The following ANKRD12 variants were observed in gnomAD, a reference collection of about 807,000 sequenced individuals.
The protein encoded by ANKRD12 is ankyrin repeat domain-containing protein 12.
A neutral mutation model predicts 183.4 loss-of-function variants in ANKRD12; 85 were observed. The ratio of observed to expected loss-of-function variants is 0.46; its 90% confidence interval spans 0.39 to 0.56. The LOEUF (loss-of-function observed/expected upper bound fraction) is 0.56, where lower values mean the gene tolerates loss of function less well. Among genes scored for constraint, ANKRD12 ranks in the 20% least tolerant of loss-of-function variants. The probability of loss-of-function intolerance (pLI) is 0.00; values close to 1 mark genes in which losing one functional copy is unlikely to be tolerated. For synonymous variants in ANKRD12, 914 were observed against 800.2 expected (o/e 1.14, Z -2.40); for missense variants, 2,405 against 2,357.1 (o/e 1.02, Z -0.42).
rs778957893 is a variant in ANKRD12, at chr18:9,254,198, T to C, written c.944-13T>C. 1 of 1,490,180 alleles carries C rather than the reference T, an allele frequency of 6.7e-7. No individual in the cohort carries two copies. The highest frequency in any genetic ancestry group is 2.5e-5 in the Admixed American group (1 of 40,116). 92.3% of individuals were successfully genotyped at this position (1,490,180 alleles called of 1,614,324 possible). A position where few individuals can be genotyped will look rare whatever the true frequency, so the allele number is the denominator to read the frequency against. On this transcript the variant is annotated splice_polypyrimidine_tract_variant and intron_variant, in intron 8 of 12. Coordinates refer to ENST00000262126, the MANE Select transcript of ANKRD12 (RefSeq NM_015208.5). Reference sequence around the variant, plus strand: ...TGTTTGACCCACACCACATTTTCTTTTTTTTATTCTAGATTCCGAAGAGGC... The same window carrying C: ...TGTTTGACCCACACCACATTTTCTTCTTTTTATTCTAGATTCCGAAGAGGC...
At chr18:9,177,865 A>C (rs577911391) in intron 1 of ANKRD12, among the ~76,000 whole-genome samples, 2 of 152,302 alleles carry the variant, frequency 1.3e-5, no homozygotes, top group East Asian at 1.9e-4. Flanking sequence ...GAGGTTGCGC[A>C]TCTTTTCCTG....
At chr18:9,200,444 T>C (rs1332653628) in intron 3 of ANKRD12, 1 of 152,210 alleles carries the variant, frequency 6.6e-6, no homozygotes, top group Non-Finnish European at 1.5e-5. Flanking sequence ...CTAAAAGATA[T>C]TTCTTACACC....
In ANKRD12 at chr18:9,178,036, G is replaced by C. The variant is rs1162141328; in HGVS notation, c.-51-4346G>C. On this transcript the variant is annotated intron_variant, in intron 1 of 12. Coordinates refer to ENST00000262126, the MANE Select transcript of ANKRD12 (RefSeq NM_015208.5). Reference sequence around the variant, plus strand: ...AATCTGGATAGAAGTCCTTTATAAAGATGTGATTTGCAAGTATTTTCTGCC... The same window carrying C: ...AATCTGGATAGAAGTCCTTTATAAACATGTGATTTGCAAGTATTTTCTGCC... 2.0e-5 allele frequency among the ~76,000 whole-genome samples: 3 copies of C among 152,190 alleles called. No individual in the cohort carries two copies. The East Asian group carries it at 5.8e-4, about 29-fold the overall frequency.
At chr18:9,264,951 T>C (rs1393244663) in intron 10 of ANKRD12, among the ~76,000 whole-genome samples, 1 of 152,230 alleles carries the variant, frequency 6.6e-6, no homozygotes, top group Non-Finnish European at 1.5e-5. Context: ...CATTTCCCAC[T>C]GAGCAAACGG....
At chr18:9,271,938 A>G (rs1051418131) in intron 10 of ANKRD12, among the ~76,000 whole-genome samples, 2 of 152,170 alleles carry the variant, frequency 1.3e-5, no homozygotes, top group African/African-American at 4.8e-5. Flanking sequence ...ATTAAGAGCA[A>G]CGCTGTTCAA....
intron 8 of ANKRD12, among the ~76,000 whole-genome samples, chr18:9,236,175 G>T (rs566946584): frequency 2.6e-5 from 4 of 151,914 alleles, no homozygotes; most frequent in Non-Finnish European, 4.4e-5. Context: ...ATATAACAAT[G>T]GTAAAGGATT....
chr18:9,221,060 G>T (rs761235533), intron 7 of ANKRD12, among the ~76,000 whole-genome samples: 1 of 152,128 alleles, frequency 6.6e-6, no homozygotes, highest in Non-Finnish European at 1.5e-5. Context: ...TGTTTTGTCC[G>T]TGTTTCATTT....
intron 1 of ANKRD12, among the ~76,000 whole-genome samples, chr18:9,155,858 T>C (rs1342156691): frequency 6.6e-6 from 1 of 152,166 alleles, no homozygotes; most frequent in Non-Finnish European, 1.5e-5. Flanking sequence ...GATTTCTGTT[T>C]ATGATGTTTA....
intron 9 of ANKRD12, among the ~76,000 whole-genome samples, chr18:9,262,950 C>A (rs555609162): frequency 6.6e-6 from 1 of 151,846 alleles, no homozygotes; most frequent in Non-Finnish European, 1.5e-5. Context: ...AGGCATGTGC[C>A]ACCACACCTG....
At chr18:9,278,135 CAGAG>C (rs879580336) in intron 11 of ANKRD12, among the ~76,000 whole-genome samples, 17 of 152,184 alleles carry the variant, frequency 1.1e-4, no homozygotes, top group Admixed American at 3.9e-4. Flanking sequence ...ATTCTCTTGA[CAGAG>C]AGAAACTTAT....
chr18:9,184,576 G>T (rs994791653), intron 2 of ANKRD12, among the ~76,000 whole-genome samples: 1 of 152,008 alleles, frequency 6.6e-6, no homozygotes, highest in African/African-American at 2.4e-5. Context: ...TCATCATGTC[G>T]CCCAGTCTAG....
chr18:9,218,095 T>C (rs2144711053), intron 7 of ANKRD12, among the ~76,000 whole-genome samples: 1 of 152,366 alleles, frequency 6.6e-6, no homozygotes, highest in Non-Finnish European at 1.5e-5. Flanking sequence ...TGAATGATTT[T>C]CCTTTGAATA....
At chr18:9,233,403 T>C (rs1337785100) in intron 8 of ANKRD12, among the ~76,000 whole-genome samples, 1 of 152,074 alleles carries the variant, frequency 6.6e-6, no homozygotes, top group East Asian at 1.9e-4. Context: ...TTGAATTTTT[T>C]CCCCCAGGAT....
Position 9,281,987 on chromosome 18 carries a change from A to G in ANKRD12, c.*861A>G, listed in dbSNP as rs2040119537. 1 of 152,580 alleles carries G rather than the reference A, an allele frequency of 6.6e-6. No homozygotes were observed. Among genetic ancestry groups the G allele is most frequent in the African/African-American group, 2.4e-5 (1 of 41,446 alleles). 9.5% of individuals were successfully genotyped at this position (152,580 alleles called of 1,614,324 possible). Reference sequence around the variant, plus strand: ...GTCTCCTCTAGTAGACCTGTGACTTACTGTGTTGGACATATTATTTAGACT... The same window carrying G: ...GTCTCCTCTAGTAGACCTGTGACTTGCTGTGTTGGACATATTATTTAGACT... On this transcript the variant is annotated 3_prime_UTR_variant, in exon 13 of 13. Coordinates refer to ENST00000262126, the MANE Select transcript of ANKRD12 (RefSeq NM_015208.5).
chr18:9,185,735 C>T (rs2034004699), intron 2 of ANKRD12, among the ~76,000 whole-genome samples: 1 of 151,798 alleles, frequency 6.6e-6, no homozygotes. Context: ...AGTAAAGAGA[C>T]AAGGAAAGAG....
chr18:9,166,709 C>G (rs2032108763), intron 1 of ANKRD12, among the ~76,000 whole-genome samples: 1 of 151,892 alleles, frequency 6.6e-6, no homozygotes, highest in Non-Finnish European at 1.5e-5. Context: ...TGTGCAGAAG[C>G]TCTTTAGTTT....
At chr18:9,196,530 T>C (rs9946695) in intron 3 of ANKRD12, among the ~76,000 whole-genome samples, 104,675 of 152,054 alleles carry the variant, frequency 0.69, 36,471 homozygotes, top group Middle Eastern at 0.81. Context: ...GTACATAGAT[T>C]ATATTCTGCC....
chr18:9,150,676 C>T lies in ANKRD12; in HGVS notation c.-52+13711C>T, dbSNP rs187191709. Among the ~76,000 whole-genome samples the T allele has an allele frequency of 2.5e-3, 376 of 151,676 alleles. 2 individuals are homozygous for T. The highest frequency in any genetic ancestry group is 4.4e-3 in the Non-Finnish European group (296 of 67,946). On this transcript the variant is annotated intron_variant, in intron 1 of 12. Coordinates refer to ENST00000262126, the MANE Select transcript of ANKRD12 (RefSeq NM_015208.5). ...TATTTTTTATTATTATTTTTTGAGA[C>T]GGAGTCTCGCCCTGTTGCCCAGGCT...
intron 2 of ANKRD12, among the ~76,000 whole-genome samples, chr18:9,192,233 C>T (rs1212323131): frequency 6.6e-6 from 1 of 152,162 alleles, no homozygotes; most frequent in Non-Finnish European, 1.5e-5. Context: ...GAAAAAATAG[C>T]TCGAGGATGT....
Sources: allele counts gnomAD v4.1 joint callset (sites outside exome capture counted in the v4.1 genomes callset), GRCh38; gene constraint gnomAD v4.1.1; transcripts MANE v1.5; gene names NCBI Gene and HGNC (gene_info 2026-07-23, HGNC 2026-07-21).